Variants in PCDHGA2 observed in about 807,000 individuals in gnomAD.
The protein encoded by PCDHGA2 is protocadherin gamma subfamily A, 2, also known as protocadherin gamma-A2.
Under a neutral mutation model 59.2 loss-of-function variants are expected in PCDHGA2, and 40 were observed. The observed-to-expected ratio is 0.68, with a 90% CI of 0.52 to 0.88. The LOEUF (loss-of-function observed/expected upper bound fraction) is 0.88, where lower values mean the gene tolerates loss of function less well. Ranked by LOEUF, PCDHGA2 falls within the 40% of genes least tolerant of loss-of-function variation. The pLI is 0.00. For synonymous variants in PCDHGA2, 560 were observed against 526.0 expected, an observed-to-expected ratio of 1.06 and a Z score of -0.89; for missense variants, 1,226 against 1,204.0, an observed-to-expected ratio of 1.02 and a Z score of -0.27.
At chr5:141,358,959 G>A (rs190697556) in intron 1 of PCDHGA2, among the ~76,000 whole-genome samples, 2 of 152,314 alleles carry the variant, frequency 1.3e-5, no homozygotes, top group South Asian at 2.1e-4. Flanking sequence ...CTTTCATTTA[G>A]GTTCTGTGAG....
chr5:141,400,699 A>G (rs1040547233), intron 1 of PCDHGA2: 1 of 733,556 alleles, frequency 1.4e-6, no homozygotes, highest in Non-Finnish European at 2.2e-6. Flanking sequence ...TATGTCGCAT[A>G]AAAGAAGTAG....
Position 141,470,005 on chromosome 5 carries a change from T to A in PCDHGA2, c.2425-24802T>A, listed in dbSNP as rs189976589. Reference sequence around the variant, plus strand: ...AATTAGCTGGTCGTCGTGGCACGCCTGTAATCCCAGCTACTCGGGATGCTG... The same window carrying A: ...AATTAGCTGGTCGTCGTGGCACGCCAGTAATCCCAGCTACTCGGGATGCTG... On this transcript the variant is annotated intron_variant, in intron 1 of 3. Coordinates refer to ENST00000394576, the MANE Select transcript of PCDHGA2 (RefSeq NM_018915.4). 2.4e-4 allele frequency among the ~76,000 whole-genome samples: 37 copies of A among 152,254 alleles called. 2 individuals carry two copies. The highest frequency in any genetic ancestry group is 7.2e-4 in the Admixed American group (11 of 15,274).
chr5:141,375,144 G>C lies in PCDHGA2; in HGVS notation c.2424+33749G>C, dbSNP rs747224962. On this transcript the variant is annotated intron_variant, in intron 1 of 3. Transcript: ENST00000394576. Reference sequence around the variant, plus strand: ...GAAGTGGTTGTTACATCTGGAAGCAGAACAATTGCTGAAAGTGCACCTCCA... The same window carrying C: ...GAAGTGGTTGTTACATCTGGAAGCACAACAATTGCTGAAAGTGCACCTCCA... 18 of 1,613,936 alleles carry C rather than the reference G, an allele frequency of 1.1e-5. No individual in the cohort carries two copies. The South Asian group carries it at 1.4e-4, about 13-fold the overall frequency.
intron 1 of PCDHGA2, chr5:141,371,300 CA>C: frequency 6.2e-7 from 1 of 1,613,950 alleles, no homozygotes; most frequent in Non-Finnish European, 8.5e-7. Flanking sequence ...GGGAACTCAC[CA>C]CTATTGGAGA....
intron 1 of PCDHGA2, chr5:141,428,158 G>C (rs776350833): frequency 3.8e-6 from 6 of 1,577,610 alleles, no homozygotes; most frequent in Non-Finnish European, 5.2e-6. Context: ...GGAACCTGCT[G>C]GTTGCTGTGC....
intron 1 of PCDHGA2, chr5:141,419,693 A>G (rs1241615790): frequency 6.2e-7 from 1 of 1,612,884 alleles, no homozygotes; most frequent in Non-Finnish European, 8.5e-7. Flanking sequence ...GGTGCAGGCC[A>G]GTGAGCCCGG....
At chr5:141,375,397 C>G (rs751405619) in intron 1 of PCDHGA2, 3 of 1,613,892 alleles carry the variant, frequency 1.9e-6, no homozygotes, top group East Asian at 4.5e-5. Flanking sequence ...AAACAATCAT[C>G]TCTCTAAATG....
rs1247382831 is a variant in PCDHGA2 at position 141,388,673 on chromosome 5, G to A, written c.2424+47278G>A. On this transcript the variant is annotated intron_variant, in intron 1 of 3. Transcript: ENST00000394576. ...TGTACCCGGGGACCACGGTGCTACA[G>A]GTGACTGCCACGGACCAGGATGAGG... The A allele has an allele frequency of 2.5e-6, 4 of 1,613,942 alleles. No homozygotes were observed. In the South Asian group the frequency reaches 3.3e-5, roughly 13 times the overall value.
intron 1 of PCDHGA2, chr5:141,344,028 A>G (rs748991273): frequency 3.5e-5 from 53 of 1,530,648 alleles, no homozygotes; most frequent in Non-Finnish European, 4.3e-5. Flanking sequence ...ATTCACCGAA[A>G]AGGAAATGAC....
intron 1 of PCDHGA2, chr5:141,404,701 G>T (rs563319884): frequency 6.2e-7 from 1 of 1,614,074 alleles, no homozygotes; most frequent in African/African-American, 1.3e-5. Flanking sequence ...GCTCTGCAGA[G>T]CCTGGCTACC....
At chr5:141,401,113 G>A (rs2094114942) in intron 1 of PCDHGA2, among the ~76,000 whole-genome samples, 1 of 152,192 alleles carries the variant, frequency 6.6e-6, no homozygotes, top group Non-Finnish European at 1.5e-5. Flanking sequence ...GGAGGCCGAG[G>A]CGGTTGGATC....
At chr5:141,434,364 A>G (rs1023051594) in intron 1 of PCDHGA2, among the ~76,000 whole-genome samples, 1 of 152,208 alleles carries the variant, frequency 6.6e-6, no homozygotes, top group Non-Finnish European at 1.5e-5. Context: ...AAATCTGGCC[A>G]TAAACTGGCC....
At chr5:141,393,909 A>G (rs2092874602) in intron 1 of PCDHGA2, 1 of 1,613,980 alleles carries the variant, frequency 6.2e-7, no homozygotes, top group Non-Finnish European at 8.5e-7. Flanking sequence ...CGGGACAGTA[A>G]TTGCCTTCTT....
At chr5:141,455,270 A>T (rs2098818132) in intron 1 of PCDHGA2, among the ~76,000 whole-genome samples, 1 of 151,958 alleles carries the variant, frequency 6.6e-6, no homozygotes, top group South Asian at 2.1e-4. Context: ...CTTCCCATTG[A>T]TTATTAACAT....
In PCDHGA2 at chr5:141,500,527, A is replaced by C. The variant is rs937551961; in HGVS notation, c.2484-4866A>C. On this transcript the variant is annotated intron_variant, in intron 2 of 3. Transcript: ENST00000394576. ...CCTGGCCGAGCTTCATTTTAAAAAA[A>C]TCTCATTCACCTAAATAAGTTGTTC... is the stretch of plus-strand genomic sequence containing the variant. 5.9e-5 allele frequency among the ~76,000 whole-genome samples: 9 copies of C among 152,298 alleles called. No individual in the cohort carries two copies. The South Asian group carries it at 6.2e-4, about 11-fold the overall frequency.
chr5:141,482,016 C>T (rs2099550411), intron 1 of PCDHGA2, among the ~76,000 whole-genome samples: 1 of 148,596 alleles, frequency 6.7e-6, no homozygotes, highest in African/African-American at 2.5e-5. Context: ...TCTCAGGAAG[C>T]AGAGGTTGCA....
chr5:141,428,168 C>A, intron 1 of PCDHGA2: 1 of 1,551,608 alleles, frequency 6.4e-7, no homozygotes, highest in Non-Finnish European at 8.8e-7. Context: ...GGTTGCTGTG[C>A]GTGACGGAGG....
intron 1 of PCDHGA2, chr5:141,415,943 T>A: frequency 1.8e-6 from 1 of 552,806 alleles, no homozygotes; most frequent in Non-Finnish European, 2.7e-6. Flanking sequence ...TCCTCCTGGG[T>A]GGTCACATAT....
At chr5:141,388,597 A>G (rs1277451358) in intron 1 of PCDHGA2, 1 of 1,613,752 alleles carries the variant, frequency 6.2e-7, no homozygotes, top group Non-Finnish European at 8.5e-7. Context: ...GCCAATGATA[A>G]TGCTCCAGTG....
Sources: gnomAD v4.1 joint callset for allele counts (sites outside exome capture counted in the v4.1 genomes callset) on GRCh38, gnomAD v4.1.1 for gene constraint, MANE v1.5 for transcripts, NCBI Gene and HGNC (gene_info 2026-07-23, HGNC 2026-07-21) for gene names.